GLRX: variants seen among roughly 807,000 people sequenced by gnomAD.
The protein encoded by GLRX is glutaredoxin.
Under a neutral mutation model 11.1 loss-of-function variants are expected in GLRX, and 9 were observed. That is an observed-to-expected ratio of 0.81 (90% confidence interval 0.49 to 1.42). The LOEUF (loss-of-function observed/expected upper bound fraction) is 1.42. Among genes scored for constraint, GLRX ranks in the 40% most tolerant of loss-of-function variants. GLRX has a pLI of 0.00. For synonymous variants in GLRX, 49 were observed against 49.5 expected (o/e 0.99, Z 0.04); for missense variants, 102 against 126.2 (o/e 0.81, Z 0.92).
intron 1 of GLRX, chr5:95,818,576 C>G (rs1747095286): frequency 6.6e-6 from 1 of 152,292 alleles, no homozygotes; most frequent in South Asian, 2.1e-4. Context: ...TGCAACTACT[C>G]AAAAGCAATT....
At chr5:95,819,913 A>AC (rs1402328342) in intron 1 of GLRX, among the ~76,000 whole-genome samples, 4 of 150,906 alleles carry the variant, frequency 2.7e-5, no homozygotes, top group African/African-American at 9.8e-5. Flanking sequence ...AAAAAAAAAA[A>AC]AAAAAAAAAC....
At chr5:95,815,793 T>A (rs1386494520) in intron 2 of GLRX, among the ~76,000 whole-genome samples, 2 of 152,274 alleles carry the variant, frequency 1.3e-5, no homozygotes, top group Non-Finnish European at 2.9e-5. Context: ...GGGAAGCCAA[T>A]TAAATAGAGT....
intron 1 of GLRX, among the ~76,000 whole-genome samples, chr5:95,819,824 G>A (rs571417144): frequency 1.1e-4 from 16 of 150,520 alleles, no homozygotes; most frequent in East Asian, 3.9e-4. Context: ...GCGTGAACCC[G>A]GGAGGTGGAG....
chr5:95,820,149 C>A (rs923664180), intron 1 of GLRX, among the ~76,000 whole-genome samples: 2 of 151,688 alleles, frequency 1.3e-5, no homozygotes, highest in Non-Finnish European at 2.9e-5. Context: ...GCCAGGAGTT[C>A]AAGACCAGCC....
chr5:95,822,555 C>T lies in GLRX; in HGVS notation c.108G>A (p.Leu36=). 6.2e-7 allele frequency: 1 copy of T among 1,613,752 alleles called. No homozygotes were observed. Among genetic ancestry groups the T allele is most frequent in the Non-Finnish European group, 8.5e-7 (1 of 1,179,734 alleles). The part of the protein sequence containing the change: ...CRRAQEILSQ[L]PIKQGLLEFV... ...ATTCCAGAAGCCCTTGTTTGATGGG[C>T]AATTGACTGAGGATCTCTTGGGCCC... The change falls in exon 1 of 3, where the codon TTG becomes TTA. Residue 36 remains leucine, a synonymous_variant. Transcript: ENST00000237858.
rs1165448310 is a variant in GLRX at position 95,816,710 on chromosome 5, A to T, written c.208-84T>A. ...ATCCTACCACTAAATATTTCCCGTG[A>T]TTCCAAACTTTTCAAATCACTTTAA... is the stretch of plus-strand genomic sequence containing the variant. On this transcript the variant is annotated intron_variant, in intron 1 of 2. Coordinates refer to ENST00000237858, the MANE Select transcript of GLRX (RefSeq NM_001118890.2). The T allele has an allele frequency of 1.5e-5, 12 of 781,608 alleles. No homozygotes were observed. The Admixed American group carries it at 2.3e-4, about 15-fold the overall frequency. 48.4% of individuals were successfully genotyped at this position (781,608 alleles called of 1,614,324 possible). A position where few individuals can be genotyped will look rare whatever the true frequency, so the allele number is the denominator to read the frequency against.
intron 1 of GLRX, among the ~76,000 whole-genome samples, chr5:95,820,895 C>T (rs977662676): frequency 1.5e-4 from 23 of 152,012 alleles, no homozygotes; most frequent in Admixed American, 1.1e-3. Context: ...GTAGGTGGAT[C>T]GCCTGAGGTC....
intron 2 of GLRX, among the ~76,000 whole-genome samples, chr5:95,815,177 A>G (rs1449739939): frequency 2.6e-5 from 4 of 152,252 alleles, no homozygotes; most frequent in East Asian, 1.9e-4. Flanking sequence ...ACACCAAAAT[A>G]GAAGCAGTTG....
At chr5:95,815,430 TC>T (rs1387599001) in intron 2 of GLRX, among the ~76,000 whole-genome samples, 1 of 152,186 alleles carries the variant, frequency 6.6e-6, no homozygotes, top group Non-Finnish European at 1.5e-5. Context: ...CAGACCTTTT[TC>T]CCCCTTCTGT....
At chr5:95,814,702 A>G (rs929521239) in intron 2 of GLRX, 1 of 152,330 alleles carries the variant, frequency 6.6e-6, no homozygotes, top group Non-Finnish European at 1.5e-5. Flanking sequence ...AAAGAGGACA[A>G]TTGAGGGTCA....
At chr5:95,815,266 T>A (rs1284406944) in intron 2 of GLRX, among the ~76,000 whole-genome samples, 1 of 152,224 alleles carries the variant, frequency 6.6e-6, no homozygotes, top group Admixed American at 6.5e-5. Flanking sequence ...AGGAAACCAT[T>A]AATTGGGTTT....
chr5:95,822,396 A>C, intron 1 of GLRX, 60 bp downstream of exon 1: 1 of 1,337,246 alleles, frequency 7.5e-7, no homozygotes, highest in Non-Finnish European at 1.1e-6. Flanking sequence ...AGAAAGGCAC[A>C]GCTCTGACAA....
chr5:95,822,648 A>T lies in GLRX; in HGVS notation c.15T>A (p.Phe5Leu). 1 of 1,613,860 alleles carries T rather than the reference A, an allele frequency of 6.2e-7. No homozygotes were observed. The highest frequency in any genetic ancestry group is 2.2e-5 in the East Asian group (1 of 44,886). MAQEFVNCKIQPGKV... is the reference protein window; with the variant it reads MAQELVNCKIQPGKV... ...TCCCAGGCTGGATTTTGCAGTTCAC[A>T]AACTCTTGAGCCATGCCGATGGGCT... Residue 5 changes from phenylalanine (F) to leucine (L), a missense_variant, in exon 1 of 3, where the codon TTT becomes TTA. By Grantham distance (22) the Phe-to-Leu change is conservative (BLOSUM62 0). Transcript: ENST00000237858.
At chr5:95,815,616 C>T (rs924283180) in intron 2 of GLRX, among the ~76,000 whole-genome samples, 2 of 152,200 alleles carry the variant, frequency 1.3e-5, no homozygotes, top group Admixed American at 6.5e-5. Context: ...AATTGGCCTG[C>T]TTGGGAGCTA....
At chr5:95,815,448 G>A (rs1746956583) in intron 2 of GLRX, among the ~76,000 whole-genome samples, 1 of 152,214 alleles carries the variant, frequency 6.6e-6, no homozygotes, top group Non-Finnish European at 1.5e-5. Flanking sequence ...CTGTTGCTAT[G>A]CTGAGTAACC....
chr5:95,816,771 C>T (rs983281494), intron 1 of GLRX, 145 bp from the exon 2 acceptor site: 1 of 581,922 alleles, frequency 1.7e-6, no homozygotes. Context: ...GACAGGACTT[C>T]CTTTCTGTTA....
At chr5:95,817,780 G>A (rs1165324260) in intron 1 of GLRX, 3 of 152,204 alleles carry the variant, frequency 2.0e-5, no homozygotes, top group Non-Finnish European at 4.4e-5. Context: ...GCCTCTCCCC[G>A]AGTACCAGGA....
chr5:95,817,047 A>G lies in GLRX; in HGVS notation c.208-421T>C, dbSNP rs115175140. ...AGTTCGTTTCTAAATACAGCTGGAA[A>G]AGTATTTGCATTACGTCTCTGATTT... On this transcript the variant is annotated intron_variant, in intron 1 of 2. Transcript: ENST00000237858. 1,439 of 162,984 alleles carry G rather than the reference A, an allele frequency of 8.8e-3. 27 individuals carry two copies. Among genetic ancestry groups the G allele is most frequent in the African/African-American group, 0.033 (1,382 of 41,652 alleles). 10.1% of individuals were successfully genotyped at this position (162,984 alleles called of 1,614,324 possible). A position where few individuals can be genotyped will look rare whatever the true frequency, so the allele number is the denominator to read the frequency against.
At chr5:95,819,797 GCTGAGA>G (rs1374743645) in intron 1 of GLRX, among the ~76,000 whole-genome samples, 1 of 150,098 alleles carries the variant, frequency 6.7e-6, no homozygotes, top group Non-Finnish European at 1.5e-5. Context: ...TACTCGAGAG[GCTGAGA>G]CAGGAGAATA....
Sources: allele counts gnomAD v4.1 joint callset (sites outside exome capture counted in the v4.1 genomes callset), GRCh38; gene constraint gnomAD v4.1.1; transcripts MANE v1.5; gene names NCBI Gene and HGNC (gene_info 2026-07-23, HGNC 2026-07-21).